Variants in THSD4 observed in about 807,000 individuals in gnomAD.
The protein encoded by THSD4 is thrombospondin type 1 domain containing 4, also known as thrombospondin type-1 domain-containing protein 4.
A neutral mutation model predicts 119.0 loss-of-function variants in THSD4; 69 were observed. The observed-to-expected ratio is 0.58, with a 90% CI of 0.48 to 0.71. The LOEUF is 0.71. Ranked by LOEUF, THSD4 falls within the 30% of genes least tolerant of loss-of-function variation. The pLI, the probability that THSD4 is intolerant of heterozygous loss-of-function variation, is 0.00. For synonymous variants in THSD4, 524 were observed against 540.4 expected (o/e 0.97, Z 0.42); for missense variants, 1,393 against 1,391.1 (o/e 1.00, Z -0.02).
chr15:71,591,091 G>A (rs1348151257), intron 7 of THSD4, among the ~76,000 whole-genome samples: 1 of 146,644 alleles, frequency 6.8e-6, no homozygotes, highest in Non-Finnish European at 1.5e-5. Flanking sequence ...TATGATAACA[G>A]TAATGACAAT....
At chr15:71,453,930 A>G (rs1220649178) in intron 7 of THSD4, among the ~76,000 whole-genome samples, 2 of 152,134 alleles carry the variant, frequency 1.3e-5, no homozygotes, top group African/African-American at 4.8e-5. Flanking sequence ...GAGTGAAAGA[A>G]TTGCATGGAA....
chr15:71,461,733 A>T (rs936330639), intron 7 of THSD4, among the ~76,000 whole-genome samples: 1 of 152,032 alleles, frequency 6.6e-6, no homozygotes, highest in Non-Finnish European at 1.5e-5. Context: ...TCCACTTTTG[A>T]TCATAATTTC....
intron 8 of THSD4, among the ~76,000 whole-genome samples, chr15:71,715,946 T>C (rs760133168): frequency 1.5e-4 from 23 of 152,156 alleles, no homozygotes; most frequent in Non-Finnish European, 2.8e-4. Context: ...GTGTATTAGT[T>C]ACCTGTGGCT....
Position 71,331,134 on chromosome 15 carries a change from A to T in THSD4, c.1015+74419A>T, listed in dbSNP as rs372915225. On this transcript the variant is annotated intron_variant, in intron 6 of 17. Coordinates refer to ENST00000261862, the MANE Select transcript of THSD4 (RefSeq NM_024817.3). ...TGCAGCCATTTGGACAGTGTTGATTAGTTTTCCTGAGGTGCTGTTTGGGCG... is the reference window on the plus strand; with the variant it reads ...TGCAGCCATTTGGACAGTGTTGATTTGTTTTCCTGAGGTGCTGTTTGGGCG... Among the ~76,000 whole-genome samples the T allele has an allele frequency of 7.6e-4, 116 of 152,282 alleles. 3 individuals carry two copies. The South Asian group carries it at 0.023, about 31-fold the overall frequency.
chr15:71,365,176 A>G (rs1005202156), intron 6 of THSD4, among the ~76,000 whole-genome samples: 1 of 93,572 alleles, frequency 1.1e-5, no homozygotes, highest in African/African-American at 3.1e-5. Context: ...TATGAGAGAG[A>G]GAAAGACAGA....
chr15:71,172,677 CTATACA>C (rs1264544110), intron 3 of THSD4, among the ~76,000 whole-genome samples: 3 of 22,150 alleles, frequency 1.4e-4, no homozygotes, highest in African/African-American at 2.4e-4. Flanking sequence ...GAAAATAGAC[CTATACA>C]TATATATATA....
intron 6 of THSD4, among the ~76,000 whole-genome samples, chr15:71,362,832 C>G (rs1486679763): frequency 1.3e-5 from 2 of 152,110 alleles, no homozygotes; most frequent in Non-Finnish European, 2.9e-5. Flanking sequence ...TTATATTCTT[C>G]TCTATGTATA....
At chr15:71,568,486 A>G (rs957591655) in intron 7 of THSD4, among the ~76,000 whole-genome samples, 5 of 152,080 alleles carry the variant, frequency 3.3e-5, no homozygotes, top group Non-Finnish European at 7.4e-5. Flanking sequence ...TTTCAAAACA[A>G]GTAAAACAGA....
chr15:71,474,363 GC>G (rs1400148553), intron 7 of THSD4, among the ~76,000 whole-genome samples: 3 of 152,082 alleles, frequency 2.0e-5, no homozygotes, highest in Non-Finnish European at 4.4e-5. Context: ...GGGATTACAG[GC>G]GCCTGCCCCT....
rs1361256880 is a variant in THSD4, at chr15:71,284,048, A to T, written c.1015+27333A>T. Reference sequence around the variant, plus strand: ...ATCATATTCTACTTAAACAAGAGGTACAATGCCTTTTCTCTTAAGTGTCCT... The same window carrying T: ...ATCATATTCTACTTAAACAAGAGGTTCAATGCCTTTTCTCTTAAGTGTCCT... On this transcript the variant is annotated intron_variant, in intron 6 of 17. Coordinates refer to ENST00000261862, the MANE Select transcript of THSD4 (RefSeq NM_024817.3). Among the ~76,000 whole-genome samples, 5 of 152,232 alleles carry T rather than the reference A, an allele frequency of 3.3e-5. No individual in the cohort carries two copies. The East Asian group carries it at 9.6e-4, about 29-fold the overall frequency.
chr15:71,319,078 A>G lies in THSD4; in HGVS notation c.1015+62363A>G, dbSNP rs369072193. The stretch of plus-strand genomic sequence containing the variant: ...GAAGTAACAATTACTTGTGCTGGAC[A>G]TTGGTGCTTGCAAAATACTTCTCTT... On this transcript the variant is annotated intron_variant, in intron 6 of 17. Transcript: ENST00000261862. Among the ~76,000 whole-genome samples the G allele has an allele frequency of 1.4e-3, 206 of 152,340 alleles. 12 individuals carry two copies. The South Asian group carries it at 0.041, about 31-fold the overall frequency.
chr15:71,723,605 G>T (rs1173922489), intron 8 of THSD4, among the ~76,000 whole-genome samples: 1 of 152,186 alleles, frequency 6.6e-6, no homozygotes, highest in Non-Finnish European at 1.5e-5. Flanking sequence ...CAGTGTACTA[G>T]GAGACAAACA....
chr15:71,516,456 T>G (rs1308393501), intron 7 of THSD4, among the ~76,000 whole-genome samples: 1 of 152,198 alleles, frequency 6.6e-6, no homozygotes, highest in Non-Finnish European at 1.5e-5. Flanking sequence ...CTTTCTCTTC[T>G]ATGACAATTG....
chr15:71,499,788 C>T (rs2048083609), intron 7 of THSD4, among the ~76,000 whole-genome samples: 1 of 152,196 alleles, frequency 6.6e-6, no homozygotes, highest in Non-Finnish European at 1.5e-5. Flanking sequence ...TTACTTAGCA[C>T]AATGCCCTTG....
At chr15:71,660,412 G>GA in intron 7 of THSD4, 118 bp from the exon 8 acceptor site, 1 of 1,262,416 alleles carries the variant, frequency 7.9e-7, no homozygotes, top group South Asian at 1.3e-5. Flanking sequence ...CCCACTCCTA[G>GA]AATATACATT....
chr15:71,771,053 T>C lies in THSD4; in HGVS notation c.2770-11T>C. Reference sequence around the variant, plus strand: ...CCAAAAATCTGATGTTTTCCCTTTGTTCCCATGCAGTGTTCCAAGAGCTGC... The same window carrying C: ...CCAAAAATCTGATGTTTTCCCTTTGCTCCCATGCAGTGTTCCAAGAGCTGC... On this transcript the variant is annotated splice_polypyrimidine_tract_variant and intron_variant, in intron 16 of 17. Transcript: ENST00000261862. 1 of 1,612,600 alleles carries C rather than the reference T, an allele frequency of 6.2e-7. No homozygotes were observed. The highest frequency in any genetic ancestry group is 8.5e-7 in the Non-Finnish European group (1 of 1,179,568).
At chr15:71,700,840 A>G (rs951949225) in intron 8 of THSD4, among the ~76,000 whole-genome samples, 3 of 152,116 alleles carry the variant, frequency 2.0e-5, no homozygotes, top group African/African-American at 7.2e-5. Flanking sequence ...TATTATTAAA[A>G]AATAATGTTA....
intron 1 of THSD4, among the ~76,000 whole-genome samples, chr15:71,101,767 G>C (rs190660455): frequency 6.6e-5 from 10 of 151,010 alleles, no homozygotes; most frequent in African/African-American, 2.2e-4. Context: ...AGACTAGAGT[G>C]CAGTGGCATG....
At position 71,777,789 on chromosome 15, in the gene THSD4, G is replaced by A; in HGVS notation, c.*415G>A. On this transcript the variant is annotated 3_prime_UTR_variant, in exon 18 of 18. Coordinates refer to ENST00000261862, the MANE Select transcript of THSD4 (RefSeq NM_024817.3). ...TTAGCACCCTGGAGAGTCCAAGGAG[G>A]CAGCGCCCCCAACCCAGCGCCCCAC... 1 of 196,516 alleles carries A rather than the reference G, an allele frequency of 5.1e-6. No homozygotes were observed. Among genetic ancestry groups the A allele is most frequent in the Non-Finnish European group, 1.1e-5 (1 of 93,176 alleles). The allele number at this position is 196,516 out of a possible 1,614,324, so 12.2% of individuals were successfully genotyped here.
Sources: allele counts gnomAD v4.1 joint callset (sites outside exome capture counted in the v4.1 genomes callset), GRCh38; gene constraint gnomAD v4.1.1; transcripts MANE v1.5; gene names NCBI Gene and HGNC (gene_info 2026-07-23, HGNC 2026-07-21).